Variants in DGKD observed in about 807,000 individuals in gnomAD.
DGKD encodes the protein diacylglycerol kinase delta, also known as DAG kinase delta.
In DGKD, 68 loss-of-function variants were observed where a neutral mutation model predicts 154.4. The ratio of observed to expected loss-of-function variants is 0.44; its 90% CI spans 0.36 to 0.54. The LOEUF is 0.54. Ranked by LOEUF, DGKD falls within the 20% of genes least tolerant of loss-of-function variation. The probability of loss-of-function intolerance (pLI) is 0.00; values close to 1 mark genes in which losing one functional copy is unlikely to be tolerated. For synonymous variants in DGKD, 693 were observed against 638.0 expected, an observed-to-expected ratio of 1.09 and a Z score of -1.30; for missense variants, 1,343 against 1,593.6, an observed-to-expected ratio of 0.84 and a Z score of 2.68.
intron 27 of DGKD, among the ~76,000 whole-genome samples, chr2:233,465,699 AAG>A (rs2063802675): frequency 6.6e-6 from 1 of 152,228 alleles, no homozygotes; most frequent in Admixed American, 6.5e-5. Flanking sequence ...TATATTGTAA[AAG>A]AAAGTAAAGG....
rs745542626 is a variant in DGKD, at chr2:233,435,768, G to C, written c.587-50G>C. The C allele has an allele frequency of 2.0e-5, 31 of 1,554,432 alleles. No homozygotes were observed. The Admixed American group carries it at 6.1e-4, about 31-fold the overall frequency. On this transcript the variant is annotated intron_variant, in intron 5 of 29. Coordinates refer to ENST00000264057, the MANE Select transcript of DGKD (RefSeq NM_152879.3). ...CTCACAACACTGCTCAGCATGGGAA[G>C]CTCTTGGCACAGACACAGCTTGTAG...
chr2:233,390,989 T>C (rs1320923076), intron 3 of DGKD, among the ~76,000 whole-genome samples: 3 of 152,190 alleles, frequency 2.0e-5, no homozygotes, highest in Non-Finnish European at 2.9e-5. Flanking sequence ...CTCCTTGGCC[T>C]CCCAAAATCC....
chr2:233,448,352 G>A lies in DGKD; in HGVS notation c.1591G>A (p.Glu531Lys). Reference protein sequence around the residue: ...AYEKTTESSEESEVMAKKCSV... With the variant: ...AYEKTTESSEKSEVMAKKCSV... ...TGAGAAGACGACCGAGAGCTCGGAGGAGTCAGAGGTCATGGCCAAGAAGGT... is the reference window on the plus strand; with the variant it reads ...TGAGAAGACGACCGAGAGCTCGGAGAAGTCAGAGGTCATGGCCAAGAAGGT... Residue 531 changes from glutamate (E) to lysine (K), a missense_variant, in exon 14 of 30, where the codon GAG (glutamate) becomes AAG (lysine). Glu to Lys is a moderately conservative substitution (Grantham distance 56). This residue lies in a region of DGKD where 409 missense variants were observed against 446.0 expected (regional missense o/e 0.92). Coordinates refer to ENST00000264057, the MANE Select transcript of DGKD (RefSeq NM_152879.3). 6.2e-7 allele frequency: 1 copy of A among 1,614,148 alleles called. No individual in the cohort carries two copies. The highest frequency in any genetic ancestry group is 8.5e-7 in the Non-Finnish European group (1 of 1,180,024).
At chr2:233,409,794 T>G (rs1267446372) in intron 3 of DGKD, among the ~76,000 whole-genome samples, 2 of 139,572 alleles carry the variant, frequency 1.4e-5, no homozygotes, top group African/African-American at 2.7e-5. Context: ...ACCGTTTTTT[T>G]TTTTTTTTTT....
chr2:233,432,491 C>T (rs2125583376), intron 3 of DGKD, among the ~76,000 whole-genome samples: 1 of 152,316 alleles, frequency 6.6e-6, no homozygotes, highest in East Asian at 1.9e-4. Flanking sequence ...AACCTCGTCT[C>T]TACTAAAAAT....
At chr2:233,385,853 G>A in intron 1 of DGKD, 1 of 439,252 alleles carries the variant, frequency 2.3e-6, no homozygotes, top group Middle Eastern at 3.4e-4. Flanking sequence ...AGAAATAATG[G>A]TCTTTATCTT....
At chr2:233,415,316 C>T (rs2061933921) in intron 3 of DGKD, among the ~76,000 whole-genome samples, 1 of 152,192 alleles carries the variant, frequency 6.6e-6, no homozygotes, top group African/African-American at 2.4e-5. Flanking sequence ...TAGGGTAGGG[C>T]ATCTTGGTTA....
chr2:233,454,648 A>G (rs2063398061), intron 18 of DGKD, 115 bp from the exon 19 acceptor site: 1 of 639,236 alleles, frequency 1.6e-6, no homozygotes, highest in East Asian at 2.7e-5. Flanking sequence ...CTTAGCAGAC[A>G]AAAAAGAAAA....
intron 1 of DGKD, among the ~76,000 whole-genome samples, chr2:233,369,486 C>A (rs796743315): frequency 5.3e-5 from 8 of 152,340 alleles, no homozygotes; most frequent in African/African-American, 1.7e-4. Flanking sequence ...CTTCCTGCAT[C>A]TTAGGACAAG....
chr2:233,447,816 A>G, intron 12 of DGKD: 1 of 1,256,368 alleles, frequency 8.0e-7, no homozygotes, highest in Non-Finnish European at 1.0e-6. Context: ...CTCCTAGCAC[A>G]GGCCGTGCTG....
At chr2:233,405,755 C>T (rs1297222330) in intron 3 of DGKD, among the ~76,000 whole-genome samples, 1 of 152,208 alleles carries the variant, frequency 6.6e-6, no homozygotes, top group Admixed American at 6.5e-5. Context: ...TTAAAATTAT[C>T]TAGTCTGTGG....
intron 28 of DGKD, among the ~76,000 whole-genome samples, chr2:233,467,948 A>G (rs375573166): frequency 2.4e-4 from 36 of 152,062 alleles, no homozygotes; most frequent in African/African-American, 6.3e-4. Flanking sequence ...GTGAAATTTA[A>G]CCCTTCTAGA....
chr2:233,449,837 TG>T lies in DGKD; in HGVS notation c.1889-141del. On this transcript the variant is annotated intron_variant, in intron 15 of 29. Transcript: ENST00000264057. This position sits in a 1 kb window ranked among gnomAD's most constrained non-coding sequence, Gnocchi z 5.3. ...GGACCAGGGGGAAGATGGGTGGGGG[TG>T]GGGTTTCGGAGTCCAAGCCTTTAGC... The T allele has an allele frequency of 1.1e-6, 1 of 919,940 alleles. No individual in the cohort carries two copies. The highest frequency in any genetic ancestry group is 1.5e-6 in the Non-Finnish European group (1 of 651,478). 57.0% of individuals were successfully genotyped at this position (919,940 alleles called of 1,614,324 possible). A position where few individuals can be genotyped will look rare whatever the true frequency, so the allele number is the denominator to read the frequency against.
rs2063551134 is a variant in DGKD at position 233,459,314 on chromosome 2, C to T, written c.2695-443C>T. ...CCTTAGCTGTAGGCTGCTTGAAGTT[C>T]ACAATTTTCACTCTTTGGCAATGTT... On this transcript the variant is annotated intron_variant, in intron 22 of 29. Coordinates refer to ENST00000264057, the MANE Select transcript of DGKD (RefSeq NM_152879.3). This position sits in a 1 kb window ranked among gnomAD's most constrained non-coding sequence, Gnocchi z 5.7. Among the ~76,000 whole-genome samples, 1 of 152,152 alleles carries T rather than the reference C, an allele frequency of 6.6e-6. No individual in the cohort carries two copies. The highest frequency in any genetic ancestry group is 2.4e-5 in the African/African-American group (1 of 41,450).
At position 233,449,748 on chromosome 2, in the gene DGKD, G is replaced by A. The variant is rs2124865262; in HGVS notation, c.1889-234G>A. ...TGCGCCAGGCTCCTCTGCATCCCTT[G>A]CCTTCCCCTGCAAGGGTTCCAGACC... On this transcript the variant is annotated intron_variant, in intron 15 of 29. Transcript: ENST00000264057. The surrounding 1 kb of genome is among the most constrained non-coding windows in gnomAD (Gnocchi z 5.3). 6.6e-6 allele frequency among the ~76,000 whole-genome samples: 1 copy of A among 152,230 alleles called. No homozygotes were observed. Among genetic ancestry groups the A allele is most frequent in the East Asian group, 1.9e-4 (1 of 5,174 alleles).
At chr2:233,448,922 G>A (rs766926402) in intron 14 of DGKD, among the ~76,000 whole-genome samples, 181 bp from the exon 15 acceptor site, 2 of 152,208 alleles carry the variant, frequency 1.3e-5, no homozygotes, top group African/African-American at 2.4e-5. Flanking sequence ...CTGCCAGGGC[G>A]GGAAAGGTGG....
At chr2:233,409,353 A>G (rs1369429244) in intron 3 of DGKD, among the ~76,000 whole-genome samples, 1 of 152,230 alleles carries the variant, frequency 6.6e-6, no homozygotes, top group Non-Finnish European at 1.5e-5. Flanking sequence ...TTAGTAAGGG[A>G]AAGAGTTCTT....
chr2:233,441,949 T>C lies in DGKD; in HGVS notation c.1148T>C (p.Val383Ala). 1.9e-6 allele frequency: 3 copies of C among 1,614,106 alleles called. No homozygotes were observed. The highest frequency in any genetic ancestry group is 2.5e-6 in the Non-Finnish European group (3 of 1,179,984). Residue 383 changes from valine (V) to alanine (A), a missense_variant, in exon 10 of 30, where the codon GTT becomes GCT. Transcript: ENST00000264057. This position sits in a 1 kb window ranked among gnomAD's most constrained non-coding sequence, Gnocchi z 5.6. ...CTGGTTTGTGGCGGGGATGGAAGTG[T>C]TGGCTGGGTCCTCTCCGAAATCGAC... is the stretch of plus-strand genomic sequence containing the variant. Reference protein sequence around the residue: ...RILVCGGDGSVGWVLSEIDSL... With the variant: ...RILVCGGDGSAGWVLSEIDSL...
intron 3 of DGKD, among the ~76,000 whole-genome samples, chr2:233,422,491 C>T (rs919894870): frequency 6.6e-6 from 1 of 152,196 alleles, no homozygotes; most frequent in Non-Finnish European, 1.5e-5. Flanking sequence ...ACCCACCCCT[C>T]CTGACATAGA....
Sources: allele counts gnomAD v4.1 joint callset (sites outside exome capture counted in the v4.1 genomes callset), GRCh38; gene constraint gnomAD v4.1.1; regional missense constraint gnomAD v4.1.1; non-coding constraint Gnocchi (gnomAD v3.1); transcripts MANE v1.5; gene names NCBI Gene and HGNC (gene_info 2026-07-23, HGNC 2026-07-21).